ALDH1A2: variants seen among roughly 807,000 people sequenced by gnomAD.
The protein encoded by ALDH1A2 is retinal dehydrogenase 2.
In ALDH1A2, 27 loss-of-function variants were observed where a neutral mutation model predicts 60.3. The observed-to-expected ratio is 0.45, with a 90% CI of 0.33 to 0.62. The LOEUF (loss-of-function observed/expected upper bound fraction) is 0.62, where lower values mean the gene tolerates loss of function less well. Among genes scored for constraint, ALDH1A2 ranks in the 20% least tolerant of loss-of-function variants. The probability of loss-of-function intolerance (pLI) is 0.02; values close to 1 mark genes in which losing one functional copy is unlikely to be tolerated. For synonymous variants in ALDH1A2, 289 were observed against 232.4 expected (o/e 1.24, Z -2.21); for missense variants, 581 against 643.8 (o/e 0.90, Z 1.06).
intron 3 of ALDH1A2, among the ~76,000 whole-genome samples, chr15:58,013,289 C>CA (rs1264493034): frequency 1.3e-5 from 2 of 152,164 alleles, no homozygotes; most frequent in Admixed American, 1.3e-4. Context: ...TCGTTTTCTG[C>CA]AAGCAGCATG....
At chr15:58,061,496 C>T (rs1183505321) in intron 1 of ALDH1A2, among the ~76,000 whole-genome samples, 1 of 147,060 alleles carries the variant, frequency 6.8e-6, no homozygotes, top group African/African-American at 2.5e-5. Flanking sequence ...TCAAAAGTCA[C>T]AAAAGATAGC....
chr15:58,023,431 G>A (rs539662174), intron 1 of ALDH1A2, among the ~76,000 whole-genome samples: 6 of 152,140 alleles, frequency 3.9e-5, no homozygotes, highest in African/African-American at 1.4e-4. Flanking sequence ...AACACATGCA[G>A]ATACAGGATG....
At chr15:58,060,612 GTCTC>G (rs1238094453) in intron 1 of ALDH1A2, among the ~76,000 whole-genome samples, 2 of 151,746 alleles carry the variant, frequency 1.3e-5, no homozygotes, top group East Asian at 1.9e-4. Context: ...TTAACTCAGA[GTCTC>G]TCTTTTTCCA....
At chr15:58,012,409 GAA>G (rs1422445505) in intron 3 of ALDH1A2, among the ~76,000 whole-genome samples, 1 of 152,140 alleles carries the variant, frequency 6.6e-6, no homozygotes, top group Non-Finnish European at 1.5e-5. Context: ...ATAATCCAGT[GAA>G]AAGACAAGTA....
intron 1 of ALDH1A2, among the ~76,000 whole-genome samples, chr15:58,033,869 C>T (rs925648032): frequency 2.7e-5 from 4 of 148,180 alleles, no homozygotes; most frequent in African/African-American, 7.4e-5. Context: ...TTGCCAGTAC[C>T]ATACTATCTT....
chr15:58,024,256 A>G (rs1031287545), intron 1 of ALDH1A2, among the ~76,000 whole-genome samples: 7 of 152,196 alleles, frequency 4.6e-5, no homozygotes, highest in African/African-American at 1.7e-4. Flanking sequence ...GAATATATAA[A>G]ACAACCAGAA....
chr15:57,987,573 AAGTT>A (rs536170618), intron 7 of ALDH1A2, among the ~76,000 whole-genome samples: 2 of 152,182 alleles, frequency 1.3e-5, no homozygotes, highest in Non-Finnish European at 2.9e-5. Flanking sequence ...CCAGAAAAAA[AAGTT>A]AGTTATTAAA....
intron 1 of ALDH1A2, among the ~76,000 whole-genome samples, chr15:58,046,625 G>A (rs758087778): frequency 1.5e-4 from 23 of 152,006 alleles, no homozygotes; most frequent in South Asian, 2.1e-4. Flanking sequence ...TTCCTCCTCC[G>A]TAAAAACAGA....
At chr15:58,030,623 T>C (rs1489382355) in intron 1 of ALDH1A2, among the ~76,000 whole-genome samples, 7 of 152,128 alleles carry the variant, frequency 4.6e-5, no homozygotes, top group South Asian at 2.1e-4. Context: ...GGTGACATGA[T>C]TGTATATTTC....
At chr15:58,058,826 C>G (rs116045524) in intron 1 of ALDH1A2, among the ~76,000 whole-genome samples, 2,139 of 152,254 alleles carry the variant, frequency 0.014, 24 homozygotes, top group African/African-American at 0.033. Context: ...AGGCTTCCTT[C>G]TATAATAAAA....
intron 10 of ALDH1A2, 131 bp from the exon 11 acceptor site, chr15:57,961,425 A>C (rs1893716574): frequency 1.8e-6 from 2 of 1,134,422 alleles, no homozygotes; most frequent in Non-Finnish European, 2.6e-6. Flanking sequence ...AAACTGTAAA[A>C]TCTCCCAACC....
chr15:58,031,060 C>G (rs547359755), intron 1 of ALDH1A2, among the ~76,000 whole-genome samples: 116 of 152,246 alleles, frequency 7.6e-4, no homozygotes, highest in African/African-American at 2.6e-3. Context: ...AAAGAGCCCG[C>G]AAAGCCACTA....
chr15:58,024,871 C>G (rs1161750537), intron 1 of ALDH1A2, among the ~76,000 whole-genome samples: 6 of 152,118 alleles, frequency 3.9e-5, no homozygotes, highest in African/African-American at 1.4e-4. Flanking sequence ...AACTAGAAAT[C>G]AATGCCAAGA....
At position 57,953,901 on chromosome 15, in the gene ALDH1A2, T is replaced by TAACA. The variant is rs1199840555; in HGVS notation, c.*1292_*1295dup. 6.6e-6 allele frequency: 1 copy of TAACA among 152,412 alleles called. No homozygotes were observed. Among genetic ancestry groups the TAACA allele is most frequent in the African/African-American group, 2.4e-5 (1 of 41,444 alleles). 9.4% of individuals were successfully genotyped at this position (152,412 alleles called of 1,614,324 possible). ...AAGGGATGGAAGAAGGAAAGGAAGC[T>TAACA]AACACTTCCCACATCAAACTGGTGG... is the stretch of plus-strand genomic sequence containing the variant. On this transcript the variant is annotated 3_prime_UTR_variant, in exon 13 of 13. Coordinates refer to ENST00000249750, the MANE Select transcript of ALDH1A2 (RefSeq NM_003888.4).
In ALDH1A2 at chr15:57,999,155, T is replaced by G. The variant is rs1354564721; in HGVS notation, c.494-4016A>C. Among the ~76,000 whole-genome samples, 7 of 152,036 alleles carry G rather than the reference T, an allele frequency of 4.6e-5. 1 individual carries two copies. The highest frequency in any genetic ancestry group is 4.6e-4 in the Admixed American group (7 of 15,234). On this transcript the variant is annotated intron_variant, in intron 4 of 12. Coordinates refer to ENST00000249750, the MANE Select transcript of ALDH1A2 (RefSeq NM_003888.4). ...CATGGGCATAGGCAAGATTGCATGATGAAAACGTCAAAAGCAATCGCAACA... is the reference window on the plus strand; with the variant it reads ...CATGGGCATAGGCAAGATTGCATGAGGAAAACGTCAAAAGCAATCGCAACA...
At chr15:57,972,447 T>TTTGA (rs1278048561) in intron 7 of ALDH1A2, among the ~76,000 whole-genome samples, 2 of 152,216 alleles carry the variant, frequency 1.3e-5, no homozygotes, top group Non-Finnish European at 2.9e-5. Context: ...CTTGGTCTGC[T>TTTGA]TTGATAGGAA....
At chr15:58,021,390 G>A (rs1453136182) in intron 1 of ALDH1A2, among the ~76,000 whole-genome samples, 3 of 152,128 alleles carry the variant, frequency 2.0e-5, no homozygotes, top group Non-Finnish European at 4.4e-5. Context: ...GTTGCCTCTT[G>A]CATCCTCCCT....
intron 1 of ALDH1A2, among the ~76,000 whole-genome samples, chr15:58,030,613 G>A (rs144554383): frequency 5.5e-4 from 84 of 152,234 alleles, no homozygotes; most frequent in African/African-American, 2.0e-3. Flanking sequence ...CCGGTTTGCA[G>A]GTGACATGAT....
chr15:58,042,653 G>A (rs903986550), intron 1 of ALDH1A2, among the ~76,000 whole-genome samples: 3 of 151,746 alleles, frequency 2.0e-5, no homozygotes, highest in Admixed American at 6.6e-5. Flanking sequence ...TTATATTGTA[G>A]GCTTCCTACA....
Sources: allele counts gnomAD v4.1 joint callset (sites outside exome capture counted in the v4.1 genomes callset), GRCh38; gene constraint gnomAD v4.1.1; transcripts MANE v1.5; gene names NCBI Gene and HGNC (gene_info 2026-07-23, HGNC 2026-07-21).